Variants in TNNI3K observed in about 807,000 individuals in gnomAD.
The protein encoded by TNNI3K is serine/threonine-protein kinase TNNI3K.
Under a neutral mutation model 114.5 loss-of-function variants are expected in TNNI3K, and 140 were observed. The ratio of observed to expected loss-of-function variants is 1.22; its 90% CI spans 1.07 to 1.41. The LOEUF (loss-of-function observed/expected upper bound fraction) is 1.41, where lower values mean the gene tolerates loss of function less well. TNNI3K is among the 40% of genes most tolerant of loss of function. TNNI3K has a pLI of 0.00. For synonymous variants in TNNI3K, 347 were observed against 347.5 expected, an observed-to-expected ratio of 1.00 and a Z score of 0.02; for missense variants, 1,125 against 1,007.6, an observed-to-expected ratio of 1.12 and a Z score of -1.58.
intron 24 of TNNI3K, among the ~76,000 whole-genome samples, chr1:74,541,876 C>A (rs1320474013): frequency 1.3e-5 from 2 of 152,198 alleles, no homozygotes; most frequent in Non-Finnish European, 2.9e-5. Flanking sequence ...TATTCTATTT[C>A]ATAAACTGAT....
intron 3 of TNNI3K, 95 bp from the exon 4 acceptor site, chr1:74,250,577 A>G (rs1302549102): frequency 1.8e-6 from 2 of 1,111,662 alleles, no homozygotes; most frequent in African/African-American, 3.2e-5. Flanking sequence ...TGACATTTTT[A>G]TACAGCTGTA....
intron 20 of TNNI3K, among the ~76,000 whole-genome samples, chr1:74,449,602 A>G (rs1289651482): frequency 6.6e-6 from 1 of 152,044 alleles, no homozygotes; most frequent in African/African-American, 2.4e-5. Flanking sequence ...AGGGGTTGCA[A>G]TCCTAGTCTT....
At chr1:74,476,276 A>T (rs981385406) in intron 21 of TNNI3K, among the ~76,000 whole-genome samples, 1 of 151,962 alleles carries the variant, frequency 6.6e-6, no homozygotes, top group African/African-American at 2.4e-5. Flanking sequence ...CCATGTGCCG[A>T]CTCTAACCTG....
chr1:74,392,644 G>A (rs1312743000), intron 17 of TNNI3K, among the ~76,000 whole-genome samples: 2 of 152,148 alleles, frequency 1.3e-5, no homozygotes, highest in Non-Finnish European at 2.9e-5. Flanking sequence ...TTACTCACTT[G>A]GTTGACTTCC....
At chr1:74,388,948 T>C (rs554590772) in intron 17 of TNNI3K, among the ~76,000 whole-genome samples, 1 of 152,356 alleles carries the variant, frequency 6.6e-6, no homozygotes, top group Admixed American at 6.5e-5. Context: ...GACATTCATG[T>C]GCTGCCTGCA....
intron 11 of TNNI3K, among the ~76,000 whole-genome samples, chr1:74,358,587 T>G (rs1661783143): frequency 6.6e-6 from 1 of 152,046 alleles, no homozygotes; most frequent in Non-Finnish European, 1.5e-5. Context: ...CACCAATAGA[T>G]TATGAACTCT....
In TNNI3K at chr1:74,342,812, A is replaced by T. The variant is rs200232254; in HGVS notation, c.683-30A>T. 22 of 1,612,248 alleles carry T rather than the reference A, an allele frequency of 1.4e-5. No homozygotes were observed. The East Asian group carries it at 4.2e-4, about 31-fold the overall frequency. On this transcript the variant is annotated intron_variant, in intron 7 of 24. Coordinates refer to ENST00000326637, the MANE Select transcript of TNNI3K (RefSeq NM_015978.3). ...GTTGAGAAACAAACAATTCTAGATA[A>T]CATATCTTTTTCTTTCTTGCTGATA...
At chr1:74,369,815 G>A (rs1662499605) in intron 16 of TNNI3K, 4 of 465,838 alleles carry the variant, frequency 8.6e-6, no homozygotes, top group Non-Finnish European at 1.0e-5. Flanking sequence ...ACAAATTTAA[G>A]GAATTTAAAT....
rs556027408 is a variant in TNNI3K at position 74,342,872 on chromosome 1, C to CACTCCATGGG, written c.720_721insGGGACTCCAT (p.Phe241GlyfsTer12). On this transcript the variant is annotated frameshift_variant, in exon 8 of 25. Transcript: ENST00000326637. LOFTEE classifies it high-confidence loss of function. ...GCTCAAGATAATGAAGACCATGTCC[C>CACTCCATGGG]ACTCCATTTCTGTTCTCGATTTGGA... 1.8e-4 allele frequency: 290 copies of CACTCCATGGG among 1,613,720 alleles called. 1 individual carries two copies. In the Admixed American group the frequency reaches 4.5e-3, roughly 25 times the overall value.
chr1:74,369,320 G>A, intron 15 of TNNI3K, 56 bp downstream of exon 15: 2 of 1,606,258 alleles, frequency 1.2e-6, no homozygotes, highest in East Asian at 2.2e-5. Flanking sequence ...CCTTTGAGAA[G>A]CATGTGCATG....
chr1:74,508,267 T>C (rs1670007716), intron 23 of TNNI3K, among the ~76,000 whole-genome samples: 1 of 152,202 alleles, frequency 6.6e-6, no homozygotes, highest in South Asian at 2.1e-4. Flanking sequence ...CCCTAGAACT[T>C]AAAGTATAAT....
rs115590389 is a variant in TNNI3K, at chr1:74,309,941, A to T, written c.445-21509A>T. On this transcript the variant is annotated intron_variant, in intron 5 of 24. Coordinates refer to ENST00000326637, the MANE Select transcript of TNNI3K (RefSeq NM_015978.3). ...TCTCACCACTCCTATTCAACATAATACTGGAAGTTGTAGACAGAGCAATTA... is the reference window on the plus strand; with the variant it reads ...TCTCACCACTCCTATTCAACATAATTCTGGAAGTTGTAGACAGAGCAATTA... Among the ~76,000 whole-genome samples the T allele has an allele frequency of 2.0e-3, 311 of 152,302 alleles. 1 individual carries two copies. Among genetic ancestry groups the T allele is most frequent in the Middle Eastern group, 0.01 (3 of 294 alleles).
intron 17 of TNNI3K, among the ~76,000 whole-genome samples, chr1:74,377,789 A>G (rs1459907875): frequency 6.6e-6 from 1 of 152,006 alleles, no homozygotes; most frequent in Non-Finnish European, 1.5e-5. Flanking sequence ...TTTGCTCCCA[A>G]GGAGCCTAGC....
At chr1:74,267,122 C>T (rs1036418591) in intron 4 of TNNI3K, among the ~76,000 whole-genome samples, 1 of 151,956 alleles carries the variant, frequency 6.6e-6, no homozygotes, top group African/African-American at 2.4e-5. Context: ...CTTTTCTAAA[C>T]AAGTCTTAAG....
At chr1:74,249,131 A>T (rs1654770129) in intron 2 of TNNI3K, among the ~76,000 whole-genome samples, 1 of 151,550 alleles carries the variant, frequency 6.6e-6, no homozygotes. Context: ...AGGTTCCTAG[A>T]TGATGTCTGA....
At chr1:74,456,027 G>A (rs1183856815) in intron 20 of TNNI3K, among the ~76,000 whole-genome samples, 1 of 152,128 alleles carries the variant, frequency 6.6e-6, no homozygotes, top group Non-Finnish European at 1.5e-5. Context: ...AAGGAATATA[G>A]AACAACTCTT....
chr1:74,286,913 C>T (rs1236466807), intron 5 of TNNI3K, among the ~76,000 whole-genome samples: 1 of 152,004 alleles, frequency 6.6e-6, no homozygotes, highest in African/African-American at 2.4e-5. Context: ...TTCTGAACTG[C>T]CTGGCAAATA....
intron 21 of TNNI3K, chr1:74,480,928 T>C (rs1037942386): frequency 5.6e-6 from 4 of 717,022 alleles, no homozygotes; most frequent in Admixed American, 4.0e-5. Context: ...AGGAGAGATA[T>C]CCATCGGTGA....
intron 5 of TNNI3K, among the ~76,000 whole-genome samples, chr1:74,326,465 C>A (rs1012381316): frequency 1.2e-4 from 18 of 152,106 alleles, no homozygotes; most frequent in African/African-American, 4.3e-4. Context: ...ATAGGCATTA[C>A]TTTTGGAATT....
Sources: allele counts gnomAD v4.1 joint callset (sites outside exome capture counted in the v4.1 genomes callset), GRCh38; gene constraint gnomAD v4.1.1; transcripts MANE v1.5; gene names NCBI Gene and HGNC (gene_info 2026-07-23, HGNC 2026-07-21).